Variants in MSRA observed in about 807,000 individuals in gnomAD.
MSRA encodes methionine sulfoxide reductase A.
MSRA carries 54 observed loss-of-function variants against 31.3 expected under a neutral mutation model. The observed-to-expected ratio is 1.73, with a 90% CI of 1.39 to 2.17. The LOEUF (loss-of-function observed/expected upper bound fraction) is 2.17. Ranked by LOEUF, MSRA falls within the 30% of genes most tolerant of loss-of-function variation. The pLI is 0.00. For synonymous variants in MSRA, 169 were observed against 116.5 expected (o/e 1.45, Z -2.90); for missense variants, 507 against 300.9 (o/e 1.69, Z -5.07).
chr8:10,184,268 G>A (rs1008457325), intron 1 of MSRA, among the ~76,000 whole-genome samples: 1 of 151,968 alleles, frequency 6.6e-6, no homozygotes, highest in Non-Finnish European at 1.5e-5. Flanking sequence ...GTAGTGAGCA[G>A]TTCCCTCACT....
intron 3 of MSRA, among the ~76,000 whole-genome samples, chr8:10,252,911 G>A (rs1416084489): frequency 6.6e-6 from 1 of 152,204 alleles, no homozygotes; most frequent in Non-Finnish European, 1.5e-5. Context: ...TTCTCTGGCA[G>A]TATCTAGGCG....
chr8:10,295,523 C>T (rs1438291010), intron 3 of MSRA, among the ~76,000 whole-genome samples: 1 of 152,190 alleles, frequency 6.6e-6, no homozygotes, highest in Admixed American at 6.5e-5. Flanking sequence ...CCACGCAGGC[C>T]GAGCTGCTCT....
At chr8:10,076,730 G>A (rs1798012129) in intron 1 of MSRA, among the ~76,000 whole-genome samples, 4 of 152,014 alleles carry the variant, frequency 2.6e-5, no homozygotes, top group South Asian at 2.1e-4. Flanking sequence ...AGTGCCTCCC[G>A]GCTCTGGGTT....
At chr8:10,415,889 C>G (rs1344506601) in intron 5 of MSRA, among the ~76,000 whole-genome samples, 1 of 152,060 alleles carries the variant, frequency 6.6e-6, no homozygotes, top group African/African-American at 2.4e-5. Context: ...GCAGGATTAA[C>G]CTTTCCTTCC....
Position 10,346,354 on chromosome 8 carries a change from C to G in MSRA, c.543+26365C>G, listed in dbSNP as rs145089731. 4.1e-4 allele frequency among the ~76,000 whole-genome samples: 62 copies of G among 152,330 alleles called. 1 individual carries two copies. The highest frequency in any genetic ancestry group is 1.5e-3 in the African/African-American group (61 of 41,566). Reference sequence around the variant, plus strand: ...CCCTGCTCATGGCTTATAAGGTCCTCTCTAACATGGCTGCTGGTTCCCCAC... The same window carrying G: ...CCCTGCTCATGGCTTATAAGGTCCTGTCTAACATGGCTGCTGGTTCCCCAC... On this transcript the variant is annotated intron_variant, in intron 5 of 5. Transcript: ENST00000317173.
Position 10,156,608 on chromosome 8 carries a change from C to G in MSRA, c.143-51225C>G, listed in dbSNP as rs185823913. Among the ~76,000 whole-genome samples, 87 of 152,170 alleles carry G rather than the reference C, an allele frequency of 5.7e-4. 1 individual carries two copies. The highest frequency in any genetic ancestry group is 2.1e-3 in the African/African-American group (86 of 41,532). ...GGCATAGAAATTAATCTCTTCTTTTCATATGGACACATAGAGACATGGTGC... is the reference window on the plus strand; with the variant it reads ...GGCATAGAAATTAATCTCTTCTTTTGATATGGACACATAGAGACATGGTGC... On this transcript the variant is annotated intron_variant, in intron 1 of 5. Coordinates refer to ENST00000317173, the MANE Select transcript of MSRA (RefSeq NM_012331.5).
At chr8:10,267,770 C>T (rs1798822896) in intron 3 of MSRA, among the ~76,000 whole-genome samples, 1 of 152,164 alleles carries the variant, frequency 6.6e-6, no homozygotes, top group African/African-American at 2.4e-5. Context: ...GAGTATCCTT[C>T]TGGTGTACCC....
At chr8:10,377,971 G>T (rs1805845018) in intron 5 of MSRA, among the ~76,000 whole-genome samples, 2 of 152,218 alleles carry the variant, frequency 1.3e-5, no homozygotes, top group African/African-American at 4.8e-5. Flanking sequence ...TCCCACACTG[G>T]GAGCTCTGGC....
intron 5 of MSRA, among the ~76,000 whole-genome samples, chr8:10,417,006 C>T (rs1422193316): frequency 1.3e-5 from 2 of 152,132 alleles, no homozygotes; most frequent in East Asian, 1.9e-4. Flanking sequence ...ATAATGAAAG[C>T]CATTAGCTGT....
chr8:10,394,097 C>T (rs565684292), intron 5 of MSRA, among the ~76,000 whole-genome samples: 3 of 152,190 alleles, frequency 2.0e-5, no homozygotes, highest in South Asian at 2.1e-4. Flanking sequence ...ACGGCATCTG[C>T]GTCTTGTATA....
intron 1 of MSRA, among the ~76,000 whole-genome samples, chr8:10,181,134 G>T (rs529114279): frequency 4.6e-5 from 7 of 152,312 alleles, no homozygotes; most frequent in Non-Finnish European, 8.8e-5. Context: ...CAGATGGGAG[G>T]AGGGGACAGA....
intron 1 of MSRA, among the ~76,000 whole-genome samples, chr8:10,172,789 C>A (rs922160687): frequency 6.6e-6 from 1 of 152,172 alleles, no homozygotes; most frequent in Non-Finnish European, 1.5e-5. Context: ...CTCACCCCTT[C>A]GCTTACTCGG....
At chr8:10,159,285 G>T (rs1350032034) in intron 1 of MSRA, among the ~76,000 whole-genome samples, 1 of 152,222 alleles carries the variant, frequency 6.6e-6, no homozygotes, top group African/African-American at 2.4e-5. Context: ...ACAGAGCAGG[G>T]TGGGTAGTGG....
intron 1 of MSRA, among the ~76,000 whole-genome samples, chr8:10,071,977 C>G (rs375436463): frequency 5.3e-5 from 8 of 152,242 alleles, no homozygotes; most frequent in African/African-American, 1.9e-4. Context: ...GTCCAGGGGT[C>G]CCTCGTGGCT....
intron 1 of MSRA, among the ~76,000 whole-genome samples, chr8:10,090,498 A>G (rs1320931938): frequency 2.0e-5 from 3 of 152,238 alleles, no homozygotes; most frequent in Non-Finnish European, 4.4e-5. Flanking sequence ...AACAGCCGTA[A>G]ATACTGGAGA....
chr8:10,147,369 C>T (rs530012334), intron 1 of MSRA, among the ~76,000 whole-genome samples: 2 of 152,270 alleles, frequency 1.3e-5, no homozygotes, highest in South Asian at 2.1e-4. Context: ...GCAGCTCAGT[C>T]ATCAGCTGTT....
intron 2 of MSRA, among the ~76,000 whole-genome samples, chr8:10,240,562 A>G (rs1280342853): frequency 1.3e-5 from 2 of 151,928 alleles, no homozygotes; most frequent in African/African-American, 4.8e-5. Flanking sequence ...CCACATGTCC[A>G]CCTATGTCTC....
intron 1 of MSRA, among the ~76,000 whole-genome samples, chr8:10,128,832 C>T (rs976180966): frequency 6.6e-5 from 10 of 152,192 alleles, no homozygotes; most frequent in Admixed American, 3.9e-4. Flanking sequence ...TAAATGTTTA[C>T]GTTGCAATGG....
chr8:10,054,333 C>A lies in MSRA; in HGVS notation c.-184C>A, dbSNP rs1029861948. 5.1e-5 allele frequency: 24 copies of A among 469,188 alleles called. No homozygotes were observed. The highest frequency in any genetic ancestry group is 4.5e-4 in the African/African-American group (22 of 48,372). The allele number at this position is 469,188 out of a possible 1,614,324, so 29.1% of individuals were successfully genotyped here. A position where few individuals can be genotyped will look rare whatever the true frequency, so the allele number is the denominator to read the frequency against. On this transcript the variant is annotated 5_prime_UTR_variant, in exon 1 of 6. Transcript: ENST00000317173. ...CGCCCCCGGTGACAGCCGGTACGGC[C>A]CCGGGTTTGGGCAACCTCGATTACG...
Sources: allele counts gnomAD v4.1 joint callset (sites outside exome capture counted in the v4.1 genomes callset), GRCh38; gene constraint gnomAD v4.1.1; transcripts MANE v1.5; gene names NCBI Gene and HGNC (gene_info 2026-07-23, HGNC 2026-07-21).